GTPBP6: variants seen among roughly 807,000 people sequenced by gnomAD.
GTPBP6 encodes the protein putative GTP-binding protein 6.
Under a neutral mutation model 28.9 loss-of-function variants are expected in GTPBP6, and 33 were observed. The ratio of observed to expected loss-of-function variants is 1.14; its 90% CI spans 0.87 to 1.53. The LOEUF is 1.53. GTPBP6 is among the 40% of genes most tolerant of loss of function. GTPBP6 has a pLI of 0.00. For missense variants in GTPBP6, 507 were observed against 408.3 expected (o/e 1.24, Z -2.08); for synonymous variants, 231 against 192.7 (o/e 1.20, Z -1.65).
At chrX:312,975 A>G (rs1330220837) in intron 5 of GTPBP6, 51 bp from the exon 6 acceptor site, 2 of 1,553,514 alleles carry the variant, frequency 1.3e-6, no homozygotes, top group Non-Finnish European at 1.8e-6. Context: ...GGAAAGGCAC[A>G]AGTGCGGGCG....
At position 314,235 on chromosome X, in the gene GTPBP6, G is replaced by A; in HGVS notation, c.690-18C>T. On this transcript the variant is annotated intron_variant, in intron 4 of 9. Transcript: ENST00000326153. ...AGTTCGACCTGGTGTGGGAACGGGA[G>A]TGGCTCGGTCTCTGCGGACGCTGTC... is the stretch of plus-strand genomic sequence containing the variant. The A allele has an allele frequency of 6.2e-7, 1 of 1,607,992 alleles. No individual in the cohort carries two copies.
intron 5 of GTPBP6, among the ~76,000 whole-genome samples, 180 bp from the exon 6 acceptor site, chrX:313,104 G>A (rs113676265): frequency 2.0e-5 from 3 of 152,030 alleles, no homozygotes; most frequent in East Asian, 1.9e-4. Context: ...GGCTCTGCTC[G>A]GCGGAACGGG....
chrX:314,593 C>T (rs1303070912), intron 4 of GTPBP6, among the ~76,000 whole-genome samples: 1 of 152,052 alleles, frequency 6.6e-6, no homozygotes, highest in Non-Finnish European at 1.5e-5. Flanking sequence ...CTGCCTCAGC[C>T]TCCTGAGTAG....
Position 312,907 on chromosome X carries a change from G to A in GTPBP6, c.775C>T (p.Leu259=), listed in dbSNP as rs776468710. 40 of 1,612,402 alleles carry A rather than the reference G, an allele frequency of 2.5e-5. No homozygotes were observed. In the South Asian group the frequency reaches 4.4e-4, roughly 18 times the overall value. ...TTCTCTCTCAGGAGACGCTGCTGCAGCTGCATGAAGGATTCTCCTAAAAGA... is the reference window on the plus strand; with the variant it reads ...TTCTCTCTCAGGAGACGCTGCTGCAACTGCATGAAGGATTCTCCTAAAAGA... Residue 259 remains leucine (L), a synonymous_variant, in exon 6 of 10, where the codon CTG becomes TTG. Coordinates refer to ENST00000326153, the Ensembl canonical transcript of GTPBP6.
chrX:316,290 C>T (rs1488629435), intron 2 of GTPBP6, among the ~76,000 whole-genome samples: 1 of 107,908 alleles, frequency 9.3e-6, no homozygotes, highest in African/African-American at 3.0e-5. Flanking sequence ...AAATACATCC[C>T]GACAGGGACA....
intron 4 of GTPBP6, 71 bp downstream of exon 4, chrX:314,819 A>G: frequency 2.5e-6 from 1 of 405,700 alleles, no homozygotes; most frequent in African/African-American, 2.0e-5. Context: ...AACGCCCTAC[A>G]GGTGACTACA....
chrX:318,458 C>T (rs1174882611), exon 1 of GTPBP6: 4 of 397,854 alleles, frequency 1.0e-5, no homozygotes, highest in Admixed American at 4.4e-5. Flanking sequence ...TCTGCGACTT[C>T]CCCGGGCCCC....
Position 311,638 on chromosome X carries a change from G to T in GTPBP6, c.917-11C>A. ...TCAGCGTGGTCTTTCCTAGGAGGGCGTGGAGGTCAGGGCGCTGCAGAGATC... is the reference window on the plus strand; with the variant it reads ...TCAGCGTGGTCTTTCCTAGGAGGGCTTGGAGGTCAGGGCGCTGCAGAGATC... On this transcript the variant is annotated splice_polypyrimidine_tract_variant and intron_variant, in intron 6 of 9. Transcript: ENST00000326153. 6.2e-7 allele frequency: 1 copy of T among 1,605,026 alleles called. No homozygotes were observed. Among genetic ancestry groups the T allele is most frequent in the Non-Finnish European group, 8.5e-7 (1 of 1,173,412 alleles).
intron 4 of GTPBP6, 147 bp from the exon 5 acceptor site, chrX:314,364 C>T: frequency 6.9e-6 from 5 of 721,494 alleles, no homozygotes; most frequent in Non-Finnish European, 1.3e-5. Flanking sequence ...GTGTAGCTCA[C>T]ACACTGTGAG....
intron 7 of GTPBP6, 87 bp from the exon 8 acceptor site, chrX:307,967 C>A: frequency 8.3e-7 from 1 of 1,211,138 alleles, no homozygotes. Context: ...GGGGCTCACA[C>A]GAGCTCCCAA....
intron 2 of GTPBP6, among the ~76,000 whole-genome samples, chrX:316,373 C>G (rs1448992685): frequency 8.5e-6 from 1 of 117,238 alleles, no homozygotes; most frequent in South Asian, 3.2e-4. Context: ...ACAGGGTGAA[C>G]ACATCCCAGC....
At chrX:306,324 G>A (rs2070163442) in intron 9 of GTPBP6, among the ~76,000 whole-genome samples, 1 of 150,776 alleles carries the variant, frequency 6.6e-6, no homozygotes, top group African/African-American at 2.5e-5. Context: ...CATTTTGACT[G>A]TCAGTGCAGA....
Position 313,253 on chromosome X carries a change from C to A in GTPBP6, c.758-329G>T, listed in dbSNP as rs776094764. ...TCATCGTGAGCGGGCTCAGTGGGGC[C>A]CCTTTCACATCCGAAGTCCCAGAAC... On this transcript the variant is annotated intron_variant, in intron 5 of 9. Coordinates refer to ENST00000326153, the Ensembl canonical transcript of GTPBP6. 2.0e-5 allele frequency among the ~76,000 whole-genome samples: 3 copies of A among 152,358 alleles called. No homozygotes were observed. The South Asian group carries it at 6.2e-4, about 32-fold the overall frequency.
chrX:315,553 GACAC>G (rs1215331200), intron 2 of GTPBP6, among the ~76,000 whole-genome samples: 41,914 of 110,290 alleles, frequency 0.38, 5,832 homozygotes, highest in Non-Finnish European at 0.46. Context: ...TACACACGCA[GACAC>G]ACACACACAC....
chrX:308,971 C>T (rs746424652), intron 7 of GTPBP6, among the ~76,000 whole-genome samples: 1 of 151,988 alleles, frequency 6.6e-6, no homozygotes, highest in African/African-American at 2.4e-5. Context: ...GTGATCCACC[C>T]GCCTCAACCT....
chrX:307,788 G>A (rs1236809833), exon 8 of GTPBP6: 30 of 1,542,470 alleles, frequency 1.9e-5, no homozygotes, highest in African/African-American at 6.9e-5. Context: ...GGAGCGGGGC[G>A]GGCAGCTGCA....
rs367667763 is a variant in GTPBP6, at chrX:311,503, G to T, written c.1041C>A (p.Tyr347Ter). 1 of 1,612,310 alleles carries T rather than the reference G, an allele frequency of 6.2e-7. No individual in the cohort carries two copies. The highest frequency in any genetic ancestry group is 1.1e-5 in the South Asian group (1 of 91,006). The change falls in exon 7 of 10, where the codon TAC becomes TAA. Residue 347 changes from tyrosine to a stop codon, truncating the protein, a stop_gained. Coordinates refer to ENST00000326153, the Ensembl canonical transcript of GTPBP6. LOFTEE classifies it high-confidence loss of function. ...GGGAGAGGAAGCCGATGGTGTCCACGTACAGGACGGTCATGCGTGAGGGCA... is the reference window on the plus strand; with the variant it reads ...GGGAGAGGAAGCCGATGGTGTCCACTTACAGGACGGTCATGCGTGAGGGCA...
chrX:307,383 C>G, exon 9 of GTPBP6: 1 of 1,612,528 alleles, frequency 6.2e-7, no homozygotes, highest in Non-Finnish European at 8.5e-7. Flanking sequence ...CTGCGAGCCT[C>G]ACACGGAGAG....
At chrX:318,520 G>A (rs1417994716) in exon 1 of GTPBP6, 7 of 398,422 alleles carry the variant, frequency 1.8e-5, no homozygotes, top group African/African-American at 1.4e-4. Context: ...GCCGGCAGCA[G>A]AGGCTCTCCC....
Sources: gnomAD v4.1 joint callset for allele counts (sites outside exome capture counted in the v4.1 genomes callset) on GRCh38, gnomAD v4.1.1 for gene constraint, MANE v1.5 for transcripts, NCBI Gene and HGNC (gene_info 2026-07-23, HGNC 2026-07-21) for gene names.